Variants in WDR74 observed in about 807,000 individuals in gnomAD.
WDR74 encodes WD repeat domain 74.
A neutral mutation model predicts 45.6 loss-of-function variants in WDR74; 31 were observed. The observed-to-expected ratio is 0.68, with a 90% CI of 0.51 to 0.92. The LOEUF (loss-of-function observed/expected upper bound fraction) is 0.92. Ranked by LOEUF, WDR74 falls within the 40% of genes least tolerant of loss-of-function variation. The probability of loss-of-function intolerance (pLI) is 0.00; values close to 1 mark genes in which losing one functional copy is unlikely to be tolerated. For missense variants in WDR74, 455 were observed against 497.2 expected (o/e 0.92, Z 0.81); for synonymous variants, 191 against 192.4 (o/e 0.99, Z 0.06).
upstream of WDR74, chr11:62,839,828 A>G (rs2085021761): frequency 5.5e-6 from 3 of 540,716 alleles, no homozygotes; most frequent in Non-Finnish European, 9.8e-6. Flanking sequence ...AGCCAGCCCT[A>G]GTCTGTCTCC....
chr11:62,833,938 C>G lies in WDR74; in HGVS notation c.776-1G>C. The G allele has an allele frequency of 6.2e-7, 1 of 1,613,114 alleles. No homozygotes were observed. Among genetic ancestry groups the G allele is most frequent in the Non-Finnish European group, 8.5e-7 (1 of 1,179,428 alleles). ...CCCTTCAGACAGCCCAGTAGACGCCCTAGAGAAGGGGGGAAGCATCCGTGA... is the reference window on the plus strand; with the variant it reads ...CCCTTCAGACAGCCCAGTAGACGCCGTAGAGAAGGGGGGAAGCATCCGTGA... On this transcript the variant is annotated splice_acceptor_variant, in intron 8 of 10. Transcript: ENST00000278856. LOFTEE classifies it high-confidence loss of function.
chr11:62,834,970 C>T (rs1355391603), intron 6 of WDR74: 1 of 217,004 alleles, frequency 4.6e-6, no homozygotes, highest in East Asian at 1.1e-4. Flanking sequence ...AATACAGTGA[C>T]CCAGCCCCGC....
At chr11:62,834,816 T>A (rs539564621) in intron 6 of WDR74, 192 of 432,412 alleles carry the variant, frequency 4.4e-4, no homozygotes, top group African/African-American at 2.3e-3. Context: ...GAAAAGCAAG[T>A]TGGTCTAGTA....
chr11:62,835,959 A>C lies in WDR74; in HGVS notation c.369+2T>G. On this transcript the variant is annotated splice_donor_variant, in intron 4 of 10. Transcript: ENST00000278856. LOFTEE classifies it high-confidence loss of function. ...CCAACCATCAGGGCAGGGGAGCCTC[A>C]CTGGGTCAGAGGATGTGTCCTTGTC... The C allele has an allele frequency of 6.3e-7, 1 of 1,591,888 alleles. No homozygotes were observed. Among genetic ancestry groups the C allele is most frequent in the Non-Finnish European group, 8.6e-7 (1 of 1,169,128 alleles).
intron 2 of WDR74, 32 bp from the exon 3 acceptor site, chr11:62,839,267 AG>A (rs1453021254): frequency 1.9e-6 from 3 of 1,612,418 alleles, no homozygotes; most frequent in Non-Finnish European, 2.5e-6. Flanking sequence ...TGGCGAGGAG[AG>A]CGAGGCTGCT....
chr11:62,836,136 A>G, intron 3 of WDR74, 100 bp from the exon 4 acceptor site: 4 of 1,200,946 alleles, frequency 3.3e-6, no homozygotes, highest in Non-Finnish European at 4.8e-6. Context: ...TGTTTAAAGA[A>G]AAAAAAAAGT....
Position 62,834,289 on chromosome 11 carries a change from A to G in WDR74, c.762T>C (p.Ile254=). ...VGNTHGQLAE[I]DLRQGRLLGC... is the part of the protein sequence containing the mutation. ...TAGTCCACTCACCTTGCCGAAGGTCAATTTCTGCCAGCTGCCCATGAGTGT... is the reference window on the plus strand; with the variant it reads ...TAGTCCACTCACCTTGCCGAAGGTCGATTTCTGCCAGCTGCCCATGAGTGT... Residue 254 remains isoleucine (I), a synonymous_variant, in exon 8 of 11, where the codon ATT becomes ATC. Coordinates refer to ENST00000278856, the MANE Select transcript of WDR74 (RefSeq NM_001369450.1). The G allele has an allele frequency of 6.2e-7, 1 of 1,613,860 alleles. No homozygotes were observed. Among genetic ancestry groups the G allele is most frequent in the South Asian group, 1.1e-5 (1 of 91,084 alleles).
upstream of WDR74, chr11:62,841,465 A>G (rs1363837991): frequency 6.6e-6 from 1 of 152,210 alleles, no homozygotes; most frequent in Admixed American, 6.5e-5. Flanking sequence ...TATAAAACAA[A>G]ACCTTCTCTC....
chr11:62,833,213 C>A, intron 10 of WDR74, 82 bp from the exon 11 acceptor site: 1 of 1,428,430 alleles, frequency 7.0e-7, no homozygotes, highest in South Asian at 1.2e-5. Context: ...TTTGGGAGAC[C>A]AAGGCAGGAG....
chr11:62,836,067 T>A (rs2084955816), intron 3 of WDR74, 31 bp from the exon 4 acceptor site: 3 of 1,555,972 alleles, frequency 1.9e-6, no homozygotes, highest in African/African-American at 2.7e-5. Flanking sequence ...TGGGATTTTT[T>A]AAGTGCTTAA....
chr11:62,841,332 G>A (rs191483456), upstream of WDR74, among the ~76,000 whole-genome samples: 217 of 152,088 alleles, frequency 1.4e-3, 1 homozygote, highest in Middle Eastern at 6.8e-3. Context: ...AAATAAATAA[G>A]AAATAAAAAT....
chr11:62,836,286 C>T, intron 3 of WDR74: 1 of 456,042 alleles, frequency 2.2e-6, no homozygotes, highest in Non-Finnish European at 4.0e-6. Flanking sequence ...ATTCAACTTT[C>T]TCAACAGGGT....
At chr11:62,839,812 G>A (rs1276021663), upstream of WDR74, 14 of 569,726 alleles carry the variant, frequency 2.5e-5, no homozygotes, top group African/African-American at 1.5e-4. Flanking sequence ...CTGCGTGGCC[G>A]GATCAAGCCA....
At chr11:62,841,200 C>T (rs1282431169), upstream of WDR74, among the ~76,000 whole-genome samples, 2 of 152,010 alleles carry the variant, frequency 1.3e-5, no homozygotes, top group Non-Finnish European at 2.9e-5. Flanking sequence ...GCCTGTAGTC[C>T]CAGCCACTCG....
rs781774997 is a variant in WDR74, at chr11:62,839,524, T to C, written c.47A>G (p.Glu16Gly). ...CCACCCACCTTTCAAGATCCCAGTC[T>C]CGGTGCCGACCCACACATGGTTCCA... ...ARWNHVWVGT[E>G]TGILKGVNLQ... The change falls in exon 1 of 11, where the codon GAG (glutamate) becomes GGG (glycine). Residue 16 changes from glutamate (E) to glycine (G), a missense_variant. Physicochemically the swap from Glu to Gly is moderately conservative, Grantham distance 98. Coordinates refer to ENST00000278856, the MANE Select transcript of WDR74 (RefSeq NM_001369450.1). The C allele has an allele frequency of 6.2e-7, 1 of 1,613,532 alleles. No individual in the cohort carries two copies. Among genetic ancestry groups the C allele is most frequent in the Non-Finnish European group, 8.5e-7 (1 of 1,179,838 alleles).
In WDR74 at chr11:62,835,779, A is replaced by C; in HGVS notation, c.432T>G (p.His144Gln). ...TCTCTTTCCCACCTGTGGCAACCAC[A>C]TGGGGGTGTGCTGGGTCTTGGCGCA... ...CRMRQDPAHPHVVATGGKENA... is the reference protein window; with the variant it reads ...CRMRQDPAHPQVVATGGKENA... Residue 144 changes from histidine to glutamine, a missense_variant, in exon 5 of 11, where the codon CAT (histidine) becomes CAG (glutamine). Transcript: ENST00000278856. 1 of 1,613,864 alleles carries C rather than the reference A, an allele frequency of 6.2e-7. No individual in the cohort carries two copies. Among genetic ancestry groups the C allele is most frequent in the South Asian group, 1.1e-5 (1 of 91,066 alleles).
Position 62,835,829 on chromosome 11 carries a change from T to C in WDR74, c.382A>G (p.Arg128Gly), listed in dbSNP as rs1462151500. Residue 128 changes from arginine (R) to glycine (G), a missense_variant, in exon 5 of 11, where the codon AGA (arginine) becomes GGA (glycine). Transcript: ENST00000278856. ...ATCCTACACACCCCAGGGCCCACTC[T>C]CAGTTCCAGGAGCTGTAAAGAATAG... ...DTSSDPLLEL[R>G]VGPGVCRMRQ... 2 of 1,611,666 alleles carry C rather than the reference T, an allele frequency of 1.2e-6. No individual in the cohort carries two copies. Among genetic ancestry groups the C allele is most frequent in the Non-Finnish European group, 1.7e-6 (2 of 1,178,902 alleles).
At chr11:62,841,408 T>A (rs755816990), upstream of WDR74, among the ~76,000 whole-genome samples, 3 of 150,986 alleles carry the variant, frequency 2.0e-5, no homozygotes, top group Admixed American at 2.0e-4. Context: ...GGCTGAAGTA[T>A]GAAGATTGCT....
chr11:62,834,394 C>A, intron 7 of WDR74, 33 bp downstream of exon 7: 1 of 845,434 alleles, frequency 1.2e-6, no homozygotes, highest in Non-Finnish European at 1.8e-6. Context: ...TCTCAAGCCC[C>A]ACCCTCCCAC....
Sources: gnomAD v4.1 joint callset for allele counts (sites outside exome capture counted in the v4.1 genomes callset) on GRCh38, gnomAD v4.1.1 for gene constraint, MANE v1.5 for transcripts, NCBI Gene and HGNC (gene_info 2026-07-23, HGNC 2026-07-21) for gene names.